The following SGCZ variants were observed in gnomAD, a reference collection of about 807,000 sequenced individuals.
SGCZ encodes sarcoglycan zeta.
Under a neutral mutation model 41.3 loss-of-function variants are expected in SGCZ, and 40 were observed. The ratio of observed to expected loss-of-function variants is 0.97; its 90% CI spans 0.75 to 1.26. SGCZ has a LOEUF of 1.26. SGCZ is among the 50% of genes most tolerant of loss of function. The probability of loss-of-function intolerance (pLI) is 0.00; values close to 1 mark genes in which losing one functional copy is unlikely to be tolerated. For synonymous variants in SGCZ, 206 were observed against 137.5 expected (o/e 1.50, Z -3.49); for missense variants, 552 against 369.8 (o/e 1.49, Z -4.04).
rs572112519 is a variant in SGCZ at position 14,099,868 on chromosome 8, TTACAATAC to T, written c.744+2500_744+2507del. Among the ~76,000 whole-genome samples, 1,183 of 152,294 alleles carry T rather than the reference TTACAATAC, an allele frequency of 7.8e-3. 15 individuals carry two copies. Among genetic ancestry groups the T allele is most frequent in the African/African-American group, 0.027 (1,125 of 41,554 alleles). On this transcript the variant is annotated intron_variant, in intron 7 of 7. Coordinates refer to ENST00000382080, the MANE Select transcript of SGCZ (RefSeq NM_139167.4). Reference sequence around the variant, plus strand: ...GTTTCCAGACTGAGTCTGAAATACTTTACAATACTATGCCTGAAATGACTATGAATTTT... The same window carrying T: ...GTTTCCAGACTGAGTCTGAAATACTTTATGCCTGAAATGACTATGAATTTT...
chr8:15,224,522 G>A (rs1034199258), intron 1 of SGCZ, among the ~76,000 whole-genome samples: 1 of 152,032 alleles, frequency 6.6e-6, no homozygotes, highest in African/African-American at 2.4e-5. Flanking sequence ...TCAAATAAAA[G>A]GGAAGTAATT....
chr8:14,913,309 C>G (rs1156911559), intron 1 of SGCZ, among the ~76,000 whole-genome samples: 1 of 152,020 alleles, frequency 6.6e-6, no homozygotes, highest in Non-Finnish European at 1.5e-5. Context: ...GTACTGCCCT[C>G]TTACATATCT....
chr8:14,885,494 A>G (rs2130731708), intron 1 of SGCZ, among the ~76,000 whole-genome samples: 1 of 152,254 alleles, frequency 6.6e-6, no homozygotes, highest in Admixed American at 6.5e-5. Flanking sequence ...TTCTCAAAAC[A>G]AGAGGAATGA....
chr8:15,097,812 ATACGTGTGTGTATATATATATACG>A (rs765498221), intron 1 of SGCZ, among the ~76,000 whole-genome samples: 1 of 106,144 alleles, frequency 9.4e-6, no homozygotes, highest in Admixed American at 8.8e-5. Context: ...ATATATATAT[ATACGTGTGTGTATATATATATACG>A]TGTGTGTATA....
chr8:15,206,391 G>C (rs547591468), intron 1 of SGCZ, among the ~76,000 whole-genome samples: 1 of 151,758 alleles, frequency 6.6e-6, no homozygotes, highest in South Asian at 2.1e-4. Flanking sequence ...GGCTGCAGCA[G>C]AGGGTCATTT....
intron 1 of SGCZ, among the ~76,000 whole-genome samples, chr8:15,052,557 T>C (rs1485500300): frequency 6.6e-6 from 1 of 152,034 alleles, no homozygotes; most frequent in Admixed American, 6.6e-5. Context: ...TCCTTGAGGG[T>C]GGCTTTCTAG....
intron 3 of SGCZ, among the ~76,000 whole-genome samples, chr8:14,320,422 G>A (rs1211451413): frequency 6.6e-6 from 1 of 151,182 alleles, no homozygotes; most frequent in South Asian, 2.1e-4. Context: ...CCATGGCTTT[G>A]TGACTGAATT....
chr8:14,222,095 T>C (rs1379899788), intron 4 of SGCZ, among the ~76,000 whole-genome samples: 1 of 152,180 alleles, frequency 6.6e-6, no homozygotes, highest in African/African-American at 2.4e-5. Flanking sequence ...CTTTAGAATC[T>C]CCAATGAGAT....
chr8:14,442,884 A>G (rs1177695121), intron 2 of SGCZ, among the ~76,000 whole-genome samples: 1 of 152,198 alleles, frequency 6.6e-6, no homozygotes, highest in Non-Finnish European at 1.5e-5. Flanking sequence ...CTGTTTGCAG[A>G]TGACATGATT....
At chr8:14,994,865 T>C (rs1172405403) in intron 1 of SGCZ, among the ~76,000 whole-genome samples, 4 of 152,346 alleles carry the variant, frequency 2.6e-5, no homozygotes, top group South Asian at 2.1e-4. Flanking sequence ...GCATATTGTG[T>C]TGACCCTCCC....
intron 2 of SGCZ, among the ~76,000 whole-genome samples, chr8:14,488,280 T>C (rs755331933): frequency 6.6e-6 from 1 of 152,260 alleles, no homozygotes; most frequent in Non-Finnish European, 1.5e-5. Flanking sequence ...GATGGATTGA[T>C]ATTAATTCTA....
intron 5 of SGCZ, among the ~76,000 whole-genome samples, chr8:14,135,913 T>G (rs1803182824): frequency 6.6e-6 from 1 of 151,420 alleles, no homozygotes; most frequent in Admixed American, 6.6e-5. Flanking sequence ...ATAAAAGGAG[T>G]TAGCACCAAT....
chr8:14,169,757 GT>G, intron 4 of SGCZ, among the ~76,000 whole-genome samples: 1 of 152,270 alleles, frequency 6.6e-6, no homozygotes, highest in Admixed American at 6.5e-5. Flanking sequence ...CTTGATACAA[GT>G]TTTGAAAAAG....
chr8:14,406,096 GC>G (rs1164811679), intron 2 of SGCZ, among the ~76,000 whole-genome samples: 7 of 144,808 alleles, frequency 4.8e-5, no homozygotes, highest in African/African-American at 2.0e-4. Context: ...CCTACTGCTT[GC>G]TTAAGTAAAC....
intron 1 of SGCZ, among the ~76,000 whole-genome samples, chr8:15,224,837 A>T (rs1801716114): frequency 6.6e-6 from 1 of 152,206 alleles, no homozygotes; most frequent in African/African-American, 2.4e-5. Flanking sequence ...AATAAACTTT[A>T]TGGCAGACAT....
intron 4 of SGCZ, among the ~76,000 whole-genome samples, chr8:14,233,575 T>A (rs1436187531): frequency 7.0e-6 from 1 of 142,372 alleles, no homozygotes; most frequent in Non-Finnish European, 1.5e-5. Flanking sequence ...ACCATAAAGA[T>A]TTTTATTCTA....
intron 1 of SGCZ, chr8:14,853,504 TGAGGAGCAGGTGACGG>T (rs756858316): frequency 2.8e-5 from 15 of 532,436 alleles, no homozygotes; most frequent in South Asian, 2.1e-4. Context: ...CCTTCTGATC[TGAGGAGCAGGTGACGG>T]GGAGATTCTG....
At chr8:14,440,736 TA>T (rs1800231276) in intron 2 of SGCZ, among the ~76,000 whole-genome samples, 1 of 146,730 alleles carries the variant, frequency 6.8e-6, no homozygotes, top group South Asian at 2.1e-4. Flanking sequence ...TATATGTATA[TA>T]TGTATATACA....
At chr8:14,968,469 A>G (rs1487162362) in intron 1 of SGCZ, among the ~76,000 whole-genome samples, 1 of 152,126 alleles carries the variant, frequency 6.6e-6, no homozygotes, top group Non-Finnish European at 1.5e-5. Context: ...TTCAATATTC[A>G]TCCTATAGCA....
Sources: allele counts gnomAD v4.1 joint callset (sites outside exome capture counted in the v4.1 genomes callset), GRCh38; gene constraint gnomAD v4.1.1; transcripts MANE v1.5; gene names NCBI Gene and HGNC (gene_info 2026-07-23, HGNC 2026-07-21).